Variants in CHRM2 observed in about 807,000 individuals in gnomAD.
The protein encoded by CHRM2 is cholinergic receptor muscarinic 2.
CHRM2 carries 8 observed loss-of-function variants against 25.0 expected under a neutral mutation model. The observed-to-expected ratio is 0.32, with a 90% confidence interval of 0.19 to 0.58. The LOEUF is 0.58. Among genes scored for constraint, CHRM2 ranks in the 20% least tolerant of loss-of-function variants. The probability of loss-of-function intolerance (pLI) is 0.88; values close to 1 mark genes in which losing one functional copy is unlikely to be tolerated. For missense variants in CHRM2, 440 were observed against 567.1 expected (o/e 0.78, Z 2.28); for synonymous variants, 202 against 205.7 (o/e 0.98, Z 0.15).
At chr7:136,930,624 G>A (rs7781689) in intron 2 of CHRM2, among the ~76,000 whole-genome samples, 72 of 151,558 alleles carry the variant, frequency 4.8e-4, no homozygotes, top group East Asian at 3.3e-3. Flanking sequence ...AATGCCAGGC[G>A]CGGTGGCTCA....
intron 2 of CHRM2, among the ~76,000 whole-genome samples, chr7:136,882,100 T>C (rs1796288300): frequency 6.6e-6 from 1 of 152,016 alleles, no homozygotes; most frequent in Admixed American, 6.6e-5. Context: ...CTGAGGTGTT[T>C]TCTCTATCCT....
intron 2 of CHRM2, among the ~76,000 whole-genome samples, chr7:136,944,481 G>A (rs1489690360): frequency 6.6e-6 from 1 of 151,580 alleles, no homozygotes; most frequent in Non-Finnish European, 1.5e-5. Context: ...GTATGTGTGT[G>A]TGTGTGTACA....
At chr7:137,005,520 T>C (rs1804364447) in intron 3 of CHRM2, among the ~76,000 whole-genome samples, 1 of 152,084 alleles carries the variant, frequency 6.6e-6, no homozygotes, top group Admixed American at 6.6e-5. Context: ...TGGTCTATTC[T>C]TCAGAGGAAA....
At chr7:136,923,968 A>T (rs1019559563) in intron 2 of CHRM2, among the ~76,000 whole-genome samples, 1 of 152,182 alleles carries the variant, frequency 6.6e-6, no homozygotes, top group Non-Finnish European at 1.5e-5. Flanking sequence ...ACCTATGATC[A>T]TGCCACTGTT....
intron 3 of CHRM2, among the ~76,000 whole-genome samples, chr7:137,006,759 T>G (rs324641): frequency 6.6e-6 from 1 of 151,772 alleles, no homozygotes; most frequent in Non-Finnish European, 1.5e-5. Context: ...GCCTTTTTTT[T>G]CCCCCAAAAC....
intron 2 of CHRM2, among the ~76,000 whole-genome samples, chr7:136,920,969 G>T (rs1798396285): frequency 6.6e-6 from 1 of 151,910 alleles, no homozygotes; most frequent in Non-Finnish European, 1.5e-5. Context: ...TTTCCCTTAG[G>T]GGCACCACTT....
chr7:136,875,522 G>A (rs1209321754), intron 2 of CHRM2, among the ~76,000 whole-genome samples: 1 of 151,764 alleles, frequency 6.6e-6, no homozygotes, highest in Non-Finnish European at 1.5e-5. Flanking sequence ...CAGACCTTTC[G>A]CACCTCTCAC....
At chr7:136,994,561 G>A (rs1375346061) in intron 3 of CHRM2, among the ~76,000 whole-genome samples, 138 of 50,052 alleles carry the variant, frequency 2.8e-3, no homozygotes, top group Middle Eastern at 0.013. Flanking sequence ...ACGGAGTTTC[G>A]CTTTTGTTGC....
chr7:136,925,711 T>C lies in CHRM2; in HGVS notation c.-125+56293T>C, dbSNP rs148779086. 6.1e-4 allele frequency among the ~76,000 whole-genome samples: 93 copies of C among 152,316 alleles called. 1 individual carries two copies. The highest frequency in any genetic ancestry group is 1.8e-3 in the Admixed American group (27 of 15,302). On this transcript the variant is annotated intron_variant, in intron 2 of 3. Coordinates refer to ENST00000680005, the MANE Select transcript of CHRM2 (RefSeq NM_001006630.2). ...CTCTGCAGAAATATTCAGGGCTTTT[T>C]AGCTAAAACAGCTCTTGACTCACTT...
At chr7:136,932,754 G>A (rs1481809089) in intron 2 of CHRM2, among the ~76,000 whole-genome samples, 1 of 152,160 alleles carries the variant, frequency 6.6e-6, no homozygotes, top group Non-Finnish European at 1.5e-5. Flanking sequence ...TTTAGGCTGG[G>A]TATGGTGACT....
chr7:136,927,357 G>A (rs996884929), intron 2 of CHRM2, among the ~76,000 whole-genome samples: 2 of 152,046 alleles, frequency 1.3e-5, no homozygotes, highest in African/African-American at 4.8e-5. Context: ...AAATTGTTGA[G>A]CTTCTCTGAA....
At chr7:136,915,139 A>G (rs1323447005) in intron 2 of CHRM2, among the ~76,000 whole-genome samples, 1 of 151,882 alleles carries the variant, frequency 6.6e-6, no homozygotes, top group African/African-American at 2.4e-5. Flanking sequence ...AATGTACTTC[A>G]GGATTAAAGG....
intron 2 of CHRM2, among the ~76,000 whole-genome samples, chr7:136,888,871 C>T (rs1285770720): frequency 2.0e-5 from 3 of 151,638 alleles, no homozygotes; most frequent in Non-Finnish European, 4.4e-5. Flanking sequence ...ACGGTGAAAC[C>T]CCTTCTCTAC....
intron 2 of CHRM2, among the ~76,000 whole-genome samples, chr7:136,945,989 T>C (rs1056141676): frequency 3.9e-5 from 6 of 152,086 alleles, no homozygotes; most frequent in African/African-American, 1.2e-4. Flanking sequence ...AATAGCAGTA[T>C]GTTGAAATGG....
chr7:136,969,047 G>A (rs1020802242), intron 2 of CHRM2, among the ~76,000 whole-genome samples: 18 of 152,032 alleles, frequency 1.2e-4, no homozygotes, highest in African/African-American at 4.3e-4. Flanking sequence ...TAAATCACAT[G>A]AAGAATCCTT....
chr7:136,931,400 A>G (rs1482212979), intron 2 of CHRM2, among the ~76,000 whole-genome samples: 1 of 152,204 alleles, frequency 6.6e-6, no homozygotes, highest in East Asian at 1.9e-4. Context: ...CCCAAGCCTC[A>G]AAGTGGCAGA....
At chr7:136,882,856 T>C (rs1304831213) in intron 2 of CHRM2, among the ~76,000 whole-genome samples, 2 of 152,170 alleles carry the variant, frequency 1.3e-5, no homozygotes, top group Non-Finnish European at 2.9e-5. Flanking sequence ...ATATTATATA[T>C]GTTAAAAGAA....
chr7:136,877,947 T>G (rs2130486676), intron 2 of CHRM2, among the ~76,000 whole-genome samples: 1 of 152,118 alleles, frequency 6.6e-6, no homozygotes, highest in South Asian at 2.1e-4. Flanking sequence ...GCTAAATAAT[T>G]ACCTGAAGCC....
At chr7:136,931,568 A>G (rs1380874342) in intron 2 of CHRM2, among the ~76,000 whole-genome samples, 1 of 152,210 alleles carries the variant, frequency 6.6e-6, no homozygotes, top group Non-Finnish European at 1.5e-5. Context: ...TAATGTACTG[A>G]AACAGTTACC....
Sources: gnomAD v4.1 joint callset for allele counts (sites outside exome capture counted in the v4.1 genomes callset) on GRCh38, gnomAD v4.1.1 for gene constraint, MANE v1.5 for transcripts, NCBI Gene and HGNC (gene_info 2026-07-23, HGNC 2026-07-21) for gene names.